The following GAS7 variants were observed in gnomAD, a reference collection of about 807,000 sequenced individuals.
GAS7 encodes the protein growth arrest specific 7.
Under a neutral mutation model 71.1 loss-of-function variants are expected in GAS7, and 28 were observed. That is an observed-to-expected ratio of 0.39 (90% CI 0.29 to 0.54). The LOEUF (loss-of-function observed/expected upper bound fraction) is 0.54. GAS7 is among the 20% of genes least tolerant of loss of function. The pLI is 0.62. For missense variants in GAS7, 436 were observed against 627.8 expected (o/e 0.69, Z 3.27); for synonymous variants, 258 against 245.8 (o/e 1.05, Z -0.46).
chr17:10,118,251 C>T (rs1196734742), intron 1 of GAS7, among the ~76,000 whole-genome samples: 1 of 152,190 alleles, frequency 6.6e-6, no homozygotes, highest in African/African-American at 2.4e-5. Context: ...TTTTCCGCTT[C>T]TCACAGCGCA....
chr17:10,137,523 T>C (rs1363956676), intron 1 of GAS7, among the ~76,000 whole-genome samples: 1 of 147,000 alleles, frequency 6.8e-6, no homozygotes, highest in Non-Finnish European at 1.5e-5. Context: ...GAACAATTCC[T>C]AGCACAGTGA....
Position 9,926,124 on chromosome 17 carries a change from C to T in GAS7, c.1014+517G>A, listed in dbSNP as rs563490466. ...CCAGGGTGTCCCAGCAGTTTGAGCC[C>T]CCTTCTCCTCTCTAAGGCACTGGGG... On this transcript the variant is annotated intron_variant, in intron 10 of 13. Coordinates refer to ENST00000432992, the MANE Select transcript of GAS7 (RefSeq NM_201433.2). The surrounding 1 kb of genome is among the most constrained non-coding windows in gnomAD (Gnocchi z 5.0). 8.5e-4 allele frequency among the ~76,000 whole-genome samples: 129 copies of T among 152,166 alleles called. No homozygotes were observed. Among genetic ancestry groups the T allele is most frequent in the African/African-American group, 3.1e-3 (128 of 41,526 alleles).
intron 1 of GAS7, among the ~76,000 whole-genome samples, chr17:10,072,807 C>G (rs1484695054): frequency 6.6e-6 from 1 of 152,014 alleles, no homozygotes; most frequent in Non-Finnish European, 1.5e-5. Context: ...GTCTGTCTGG[C>G]CCCAGGATTG....
At chr17:10,177,980 G>A (rs9891299) in intron 1 of GAS7, among the ~76,000 whole-genome samples, 50,182 of 151,930 alleles carry the variant, frequency 0.33, 8,496 homozygotes, top group African/African-American at 0.39. Context: ...AGGCACCTCC[G>A]AGAGCAAAGC....
intron 2 of GAS7, among the ~76,000 whole-genome samples, chr17:10,005,050 T>TATATATATATATATATATATATATACAC (rs1296844463): frequency 2.7e-5 from 4 of 150,080 alleles, no homozygotes; most frequent in African/African-American, 1.0e-4. Context: ...TACATATATA[T>TATATATATATATATATATATATATACAC]ACACATATAT....
intron 9 of GAS7, among the ~76,000 whole-genome samples, chr17:9,933,490 C>T (rs151284798): frequency 7.3e-4 from 111 of 152,142 alleles, no homozygotes; most frequent in African/African-American, 2.6e-3. Flanking sequence ...TTGTTAAACA[C>T]GGCCATTATC....
intron 1 of GAS7, among the ~76,000 whole-genome samples, chr17:10,125,583 A>G (rs1326287567): frequency 6.6e-6 from 1 of 151,242 alleles, no homozygotes; most frequent in African/African-American, 2.4e-5. Flanking sequence ...ATGATCATAA[A>G]AGGATAAAAT....
intron 2 of GAS7, among the ~76,000 whole-genome samples, chr17:10,005,171 A>ATACATGCATGTGTATGTGTGTGCACGCG (rs1567880200): frequency 1.3e-5 from 2 of 150,676 alleles, no homozygotes; most frequent in Admixed American, 6.6e-5. Context: ...GTGCGCACGC[A>ATACATGCATGTGTATGTGTGTGCACGCG]TGCATGTATG....
At chr17:10,157,190 A>C (rs572643293) in intron 1 of GAS7, among the ~76,000 whole-genome samples, 1 of 152,262 alleles carries the variant, frequency 6.6e-6, no homozygotes, top group African/African-American at 2.4e-5. Context: ...CACGGCTTAC[A>C]AACCCGCAGC....
At position 10,019,850 on chromosome 17, in the gene GAS7, G is replaced by T. The variant is rs756654532; in HGVS notation, c.231C>A (p.Val77=). The T allele has an allele frequency of 3.1e-6, 5 of 1,613,654 alleles. No individual in the cohort carries two copies. The highest frequency in any genetic ancestry group is 4.2e-6 in the Non-Finnish European group (5 of 1,179,562). The change falls in exon 2 of 14, where the codon GTC becomes GTA. Residue 77 remains valine, a synonymous_variant. Coordinates refer to ENST00000432992, the MANE Select transcript of GAS7 (RefSeq NM_201433.2). ...AGCTCTGCCAGCCAGGTGGAAGGAT[G>T]ACCGTCTGGCTTTCTTCTCCCGGCG... ...PPPPGEESQT[V]ILPPGWQSYL... is the part of the protein sequence containing the mutation.
rs1597606169 is a variant in GAS7, at chr17:9,981,980, AAG to A, written c.305-98_305-97del. On this transcript the variant is annotated intron_variant, in intron 2 of 13. Transcript: ENST00000432992. This position sits in a 1 kb window ranked among gnomAD's most constrained non-coding sequence, Gnocchi z 4.4. The stretch of plus-strand genomic sequence containing the variant: ...AAGGAGATGCTCAGAGCTGGAGAAA[AAG>A]AGAGACAGCCAATCGCCCTCCTCCC... 9 of 748,274 alleles carry A rather than the reference AAG, an allele frequency of 1.2e-5. No individual in the cohort carries two copies. The East Asian group carries it at 1.8e-4, about 15-fold the overall frequency. The allele number at this position is 748,274 out of a possible 1,614,324, so 46.4% of individuals were successfully genotyped here. A position where few individuals can be genotyped will look rare whatever the true frequency, so the allele number is the denominator to read the frequency against.
At chr17:10,033,167 C>G (rs1037490255) in intron 1 of GAS7, among the ~76,000 whole-genome samples, 1 of 152,112 alleles carries the variant, frequency 6.6e-6, no homozygotes, top group Non-Finnish European at 1.5e-5. Flanking sequence ...TTGTCCTGAC[C>G]TAGAAAACAC....
chr17:10,079,809 T>C (rs761758489), intron 1 of GAS7, among the ~76,000 whole-genome samples: 1 of 152,198 alleles, frequency 6.6e-6, no homozygotes, highest in Non-Finnish European at 1.5e-5. Flanking sequence ...TCTTCAAATA[T>C]TCGACAGAGT....
chr17:10,046,668 G>A (rs1330095295), intron 1 of GAS7, among the ~76,000 whole-genome samples: 15 of 149,670 alleles, frequency 1.0e-4, no homozygotes, highest in African/African-American at 3.5e-4. Context: ...CCTGGGAGTC[G>A]GAGGTTGCAG....
intron 2 of GAS7, among the ~76,000 whole-genome samples, chr17:10,012,787 A>G (rs2071827151): frequency 6.6e-6 from 1 of 152,118 alleles, no homozygotes; most frequent in African/African-American, 2.4e-5. Flanking sequence ...AGGCTCCACC[A>G]TCATGGGGTT....
intron 9 of GAS7, among the ~76,000 whole-genome samples, chr17:9,929,598 C>T (rs1288441256): frequency 1.3e-5 from 2 of 152,166 alleles, no homozygotes; most frequent in African/African-American, 4.8e-5. Flanking sequence ...CCTCAGCCTC[C>T]CAAGTAGCTG....
At chr17:9,978,391 G>A (rs1214191313) in intron 3 of GAS7, among the ~76,000 whole-genome samples, 1 of 150,016 alleles carries the variant, frequency 6.7e-6, no homozygotes, top group African/African-American at 2.5e-5. Context: ...GAGGCCAGCA[G>A]TGGCTCATGT....
At position 9,919,371 on chromosome 17, in the gene GAS7, G is replaced by A. The variant is rs2067710489; in HGVS notation, c.1218+255C>T. Among the ~76,000 whole-genome samples, 1 of 152,120 alleles carries A rather than the reference G, an allele frequency of 6.6e-6. No homozygotes were observed. The highest frequency in any genetic ancestry group is 1.5e-5 in the Non-Finnish European group (1 of 68,026). Reference sequence around the variant, plus strand: ...GTCCTCAGTTGACCCTGACCTCTCAGGGGACAGCCCAAGAAGGATGTAGCC... The same window carrying A: ...GTCCTCAGTTGACCCTGACCTCTCAAGGGACAGCCCAAGAAGGATGTAGCC... On this transcript the variant is annotated intron_variant, in intron 12 of 13. Transcript: ENST00000432992. The surrounding 1 kb of genome is among the most constrained non-coding windows in gnomAD (Gnocchi z 5.0).
chr17:10,110,628 C>G (rs148103336), intron 1 of GAS7, among the ~76,000 whole-genome samples: 1 of 152,092 alleles, frequency 6.6e-6, no homozygotes, highest in Non-Finnish European at 1.5e-5. Flanking sequence ...CATGTCACCA[C>G]GTCTGGCTGA....
Sources: gnomAD v4.1 joint callset for allele counts (sites outside exome capture counted in the v4.1 genomes callset) on GRCh38, gnomAD v4.1.1 for gene constraint, Gnocchi (gnomAD v3.1) non-coding constraint, MANE v1.5 for transcripts, NCBI Gene and HGNC (gene_info 2026-07-23, HGNC 2026-07-21) for gene names.